The following EEPD1 variants were observed in gnomAD, a reference collection of about 807,000 sequenced individuals.
EEPD1 encodes the protein endonuclease/exonuclease/phosphatase family domain-containing protein 1.
EEPD1 carries 17 observed loss-of-function variants against 46.3 expected under a neutral mutation model. That is an observed-to-expected ratio of 0.37 (90% CI 0.25 to 0.55). The LOEUF is 0.55. Among genes scored for constraint, EEPD1 ranks in the 20% least tolerant of loss-of-function variants. EEPD1 has a pLI of 0.83. For missense variants in EEPD1, 673 were observed against 745.6 expected (o/e 0.90, Z 1.13); for synonymous variants, 313 against 315.6 (o/e 0.99, Z 0.09).
chr7:36,298,148 T>C (rs1787555069), intron 7 of EEPD1, among the ~76,000 whole-genome samples: 1 of 152,178 alleles, frequency 6.6e-6, no homozygotes, highest in Non-Finnish European at 1.5e-5. Context: ...AGAATGACAA[T>C]TGTCAAACTA....
intron 3 of EEPD1, among the ~76,000 whole-genome samples, chr7:36,250,193 G>A (rs1237522761): frequency 6.6e-6 from 1 of 152,230 alleles, no homozygotes; most frequent in Non-Finnish European, 1.5e-5. Context: ...CTGCACTCCA[G>A]TCTGGGTGAC....
intron 1 of EEPD1, among the ~76,000 whole-genome samples, 172 bp from the exon 2 acceptor site, chr7:36,153,961 G>A (rs1784768782): frequency 6.6e-6 from 1 of 152,112 alleles, no homozygotes; most frequent in Non-Finnish European, 1.5e-5. Context: ...AAACCCGGAC[G>A]TCCCTAGAGG....
At chr7:36,236,009 C>T (rs10951467) in intron 2 of EEPD1, among the ~76,000 whole-genome samples, 31,513 of 151,144 alleles carry the variant, frequency 0.21, 3,471 homozygotes, top group East Asian at 0.36. Context: ...ACTGCAGCCT[C>T]GACCTCCCGG....
intron 3 of EEPD1, among the ~76,000 whole-genome samples, chr7:36,252,442 A>C (rs534959475): frequency 5.9e-5 from 9 of 152,276 alleles, no homozygotes; most frequent in African/African-American, 1.9e-4. Context: ...GGTTTTGTGA[A>C]CTTGTCTAGC....
intron 3 of EEPD1, among the ~76,000 whole-genome samples, chr7:36,272,484 G>A (rs1467569282): frequency 1.4e-5 from 2 of 138,204 alleles, no homozygotes; most frequent in Admixed American, 7.9e-5. Context: ...CCCTTGCAAG[G>A]TTTTTCTGGT....
intron 2 of EEPD1, among the ~76,000 whole-genome samples, chr7:36,238,128 G>C (rs1338586045): frequency 6.6e-6 from 1 of 152,174 alleles, no homozygotes; most frequent in Non-Finnish European, 1.5e-5. Flanking sequence ...CCTGTAAACT[G>C]TCATGGTGCT....
chr7:36,293,144 A>G (rs565471797), intron 6 of EEPD1, among the ~76,000 whole-genome samples: 17 of 152,368 alleles, frequency 1.1e-4, no homozygotes, highest in African/African-American at 4.1e-4. Flanking sequence ...GATAAAACAA[A>G]GATCCCATTC....
At chr7:36,284,512 G>C (rs1034396741) in intron 4 of EEPD1, among the ~76,000 whole-genome samples, 174 bp from the exon 5 acceptor site, 3 of 152,222 alleles carry the variant, frequency 2.0e-5, no homozygotes, top group African/African-American at 7.2e-5. Context: ...AATTATTTGG[G>C]CTGGGGAAGG....
At chr7:36,215,175 C>T (rs560335838) in intron 2 of EEPD1, among the ~76,000 whole-genome samples, 3 of 152,314 alleles carry the variant, frequency 2.0e-5, no homozygotes, top group Non-Finnish European at 2.9e-5. Context: ...TGTTGCTTAA[C>T]GATAACCAGA....
intron 3 of EEPD1, among the ~76,000 whole-genome samples, chr7:36,267,062 A>AT (rs1330615196): frequency 1.8e-4 from 27 of 152,132 alleles, no homozygotes; most frequent in Admixed American, 1.8e-3. Context: ...TCTGAATACC[A>AT]TTCTCACTTC....
intron 6 of EEPD1, among the ~76,000 whole-genome samples, chr7:36,292,467 T>TTC (rs901816376): frequency 6.0e-5 from 9 of 150,408 alleles, no homozygotes; most frequent in Admixed American, 2.0e-4. Flanking sequence ...CTCCTTGTCT[T>TTC]TCTCTCTCTC....
In EEPD1 at chr7:36,247,957, G is replaced by A. The variant is rs115838144; in HGVS notation, c.930+8921G>A. Among the ~76,000 whole-genome samples, 1,521 of 152,274 alleles carry A rather than the reference G, an allele frequency of 1.0e-2. 26 individuals carry two copies. The highest frequency in any genetic ancestry group is 0.035 in the African/African-American group (1,465 of 41,548). The stretch of plus-strand genomic sequence containing the variant: ...CCAGCAGGAGAGGCAGAGAATGTGG[G>A]ATGGGGGATAGAGGACGCAGAAGGA... On this transcript the variant is annotated intron_variant, in intron 3 of 7. Transcript: ENST00000242108.
chr7:36,173,440 A>G (rs1785125372), intron 2 of EEPD1, among the ~76,000 whole-genome samples: 1 of 150,462 alleles, frequency 6.6e-6, no homozygotes. Context: ...TGGAGGTTGC[A>G]GTGAGCTGAG....
At position 36,155,188 on chromosome 7, in the gene EEPD1, A is replaced by G. The variant is rs369820285; in HGVS notation, c.864A>G (p.Thr288=). Residue 288 remains threonine (T), a synonymous_variant, in exon 2 of 8, where the codon ACA becomes ACG. Transcript: ENST00000242108. ...GGGTGCGAGAGGTGGTGTGCATGAC[A>G]CTCCTGGAAAACAGGTGAGGACAGG... ...NPGVREVVCM[T]LLENSIKLLA... The G allele has an allele frequency of 1.3e-4, 190 of 1,509,822 alleles. No individual in the cohort carries two copies. The highest frequency in any genetic ancestry group is 1.6e-4 in the Non-Finnish European group (179 of 1,128,738). 93.5% of individuals were successfully genotyped at this position (1,509,822 alleles called of 1,614,324 possible). A position where few individuals can be genotyped will look rare whatever the true frequency, so the allele number is the denominator to read the frequency against.
chr7:36,251,060 A>G (rs1044948105), intron 3 of EEPD1, among the ~76,000 whole-genome samples: 2 of 152,204 alleles, frequency 1.3e-5, no homozygotes, highest in Non-Finnish European at 2.9e-5. Flanking sequence ...CACAGAAACA[A>G]CATCCCATCC....
At chr7:36,217,396 G>A (rs1441908676) in intron 2 of EEPD1, among the ~76,000 whole-genome samples, 5 of 152,200 alleles carry the variant, frequency 3.3e-5, no homozygotes, top group Admixed American at 6.5e-5. Context: ...AGTGTGTAAC[G>A]AGTAGTGAGG....
chr7:36,219,430 T>C (rs1362502158), intron 2 of EEPD1, among the ~76,000 whole-genome samples: 2 of 151,468 alleles, frequency 1.3e-5, no homozygotes, highest in African/African-American at 2.4e-5. Flanking sequence ...TCCCAGCACT[T>C]TGGGAGGCCG....
chr7:36,163,578 A>G (rs1338680326), intron 2 of EEPD1, among the ~76,000 whole-genome samples: 1 of 152,154 alleles, frequency 6.6e-6, no homozygotes, highest in African/African-American at 2.4e-5. Context: ...AAGTTTGATG[A>G]TAAAAAGCTC....
intron 2 of EEPD1, among the ~76,000 whole-genome samples, chr7:36,177,116 A>G (rs1343498732): frequency 1.3e-5 from 2 of 152,226 alleles, no homozygotes; most frequent in African/African-American, 4.8e-5. Flanking sequence ...TTGCATAACT[A>G]TAACTTTACT....
Sources: allele counts gnomAD v4.1 joint callset (sites outside exome capture counted in the v4.1 genomes callset), GRCh38; gene constraint gnomAD v4.1.1; transcripts MANE v1.5; gene names NCBI Gene and HGNC (gene_info 2026-07-23, HGNC 2026-07-21).